Variants in VPS13B observed in about 807,000 individuals in gnomAD.
VPS13B encodes intermembrane lipid transfer protein VPS13B.
VPS13B carries 285 observed loss-of-function variants against 426.4 expected under a neutral mutation model. The ratio of observed to expected loss-of-function variants is 0.67; its 90% CI spans 0.61 to 0.74. The LOEUF (loss-of-function observed/expected upper bound fraction) is 0.74. Among genes scored for constraint, VPS13B ranks in the 30% least tolerant of loss-of-function variants. The pLI is 0.00. For synonymous variants in VPS13B, 1,676 were observed against 1,676.4 expected, an observed-to-expected ratio of 1.00 and a Z score of 0.01; for missense variants, 4,537 against 4,782.6, an observed-to-expected ratio of 0.95 and a Z score of 1.51.
intron 2 of VPS13B, among the ~76,000 whole-genome samples, chr8:99,014,167 G>C (rs1473058088): frequency 1.5e-5 from 2 of 134,840 alleles, no homozygotes; most frequent in Admixed American, 1.7e-4. Flanking sequence ...GCCCAAGCTG[G>C]AGTGCAGCTG....
intron 17 of VPS13B, among the ~76,000 whole-genome samples, chr8:99,225,999 C>G (rs1233491209): frequency 6.6e-6 from 1 of 152,074 alleles, no homozygotes; most frequent in Non-Finnish European, 1.5e-5. Context: ...GGCTGGAGTG[C>G]AGTGGTGCGA....
chr8:99,875,557 C>T lies in VPS13B; in HGVS notation c.11885C>T (p.Pro3962Leu), dbSNP rs531619892. Reference sequence around the variant, plus strand: ...CCTGTGGTGGCTGCAGAACCTCCCCCCTCCACTGTTAAAACATACCATTAC... The same window carrying T: ...CCTGTGGTGGCTGCAGAACCTCCCCTCTCCACTGTTAAAACATACCATTAC... Reference protein sequence around the residue: ...PCPVVAAEPPPSTVKTYHYLV... With the variant: ...PCPVVAAEPPLSTVKTYHYLV... The change falls in exon 62 of 62, where the codon CCC becomes CTC. Residue 3962 changes from proline (P) to leucine (L), a missense_variant. Pro to Leu is a moderately conservative substitution (Grantham distance 98). Transcript: ENST00000357162. 6 of 1,614,186 alleles carry T rather than the reference C, an allele frequency of 3.7e-6. No homozygotes were observed. In the East Asian group the frequency reaches 6.7e-5, roughly 18 times the overall value.
chr8:99,494,110 T>C (rs1206095475), intron 25 of VPS13B, among the ~76,000 whole-genome samples: 1 of 152,158 alleles, frequency 6.6e-6, no homozygotes, highest in Non-Finnish European at 1.5e-5. Context: ...GATTTTATAT[T>C]ACTATAAGTT....
intron 17 of VPS13B, among the ~76,000 whole-genome samples, chr8:99,205,460 A>G (rs964576760): frequency 2.0e-5 from 3 of 152,160 alleles, no homozygotes; most frequent in African/African-American, 7.2e-5. Flanking sequence ...CTTTGTAACA[A>G]ACCTGCATGT....
intron 31 of VPS13B, 135 bp downstream of exon 31, chr8:99,556,788 A>G (rs1478660479): frequency 4.1e-6 from 4 of 970,470 alleles, no homozygotes; most frequent in Admixed American, 2.0e-5. Context: ...AGCATAAAAA[A>G]TATTTTGTAA....
chr8:99,541,613 A>G (rs1259722593), intron 30 of VPS13B, among the ~76,000 whole-genome samples: 1 of 152,118 alleles, frequency 6.6e-6, no homozygotes, highest in Non-Finnish European at 1.5e-5. Flanking sequence ...TATTATTCCC[A>G]TATTTGTATA....
chr8:99,051,154 A>C (rs924372207), intron 3 of VPS13B, among the ~76,000 whole-genome samples: 3 of 152,084 alleles, frequency 2.0e-5, no homozygotes, highest in Non-Finnish European at 4.4e-5. Context: ...TAGGGTTTTT[A>C]TGGTTTTAGG....
Position 99,661,397 on chromosome 8 carries a change from T to C in VPS13B, c.5952T>C (p.Val1984=), listed in dbSNP as rs1830218500. Residue 1984 remains valine, a synonymous_variant, in exon 35 of 62, where the codon GTT becomes GTC. Transcript: ENST00000357162. ...CTGAAGCCCTTGATTATTGCACTGT[T>C]TGGCTACAGACAGTGCCTGGAGAAA... ...TLPEALDYCT[V]WLQTVPGEID... 6.2e-7 allele frequency: 1 copy of C among 1,613,672 alleles called. No homozygotes were observed. Among genetic ancestry groups the C allele is most frequent in the Non-Finnish European group, 8.5e-7 (1 of 1,179,816 alleles).
chr8:99,050,321 G>A (rs1843466391), intron 3 of VPS13B, among the ~76,000 whole-genome samples: 5 of 152,080 alleles, frequency 3.3e-5, no homozygotes, highest in Admixed American at 3.3e-4. Flanking sequence ...TGCTGAGAAT[G>A]ATGGTTTCCA....
At chr8:99,682,556 C>A (rs947673862) in intron 35 of VPS13B, among the ~76,000 whole-genome samples, 6 of 152,126 alleles carry the variant, frequency 3.9e-5, no homozygotes, top group African/African-American at 1.4e-4. Flanking sequence ...TGAAGACCAA[C>A]TTATAAATTT....
intron 34 of VPS13B, among the ~76,000 whole-genome samples, chr8:99,655,167 A>G (rs1482996629): frequency 6.6e-6 from 1 of 152,226 alleles, no homozygotes; most frequent in African/African-American, 2.4e-5. Context: ...AATGGAAAGC[A>G]GTCTATTTTG....
At chr8:99,127,118 A>G (rs1265203151) in intron 8 of VPS13B, among the ~76,000 whole-genome samples, 1 of 151,762 alleles carries the variant, frequency 6.6e-6, no homozygotes, top group Non-Finnish European at 1.5e-5. Context: ...AAAAAAAAAG[A>G]AAGAAAAGAA....
intron 16 of VPS13B, among the ~76,000 whole-genome samples, chr8:99,186,726 A>G (rs1444338509): frequency 2.0e-5 from 3 of 152,164 alleles, no homozygotes; most frequent in African/African-American, 7.2e-5. Flanking sequence ...AACCACAAAG[A>G]CATATCCTGT....
chr8:99,744,433 C>G (rs1809955016), intron 39 of VPS13B, among the ~76,000 whole-genome samples: 1 of 152,114 alleles, frequency 6.6e-6, no homozygotes, highest in Non-Finnish European at 1.5e-5. Flanking sequence ...GGATCTAGAA[C>G]TAGAAATACC....
Position 99,874,239 on chromosome 8 carries a change from A to G in VPS13B, c.11746-1179A>G, listed in dbSNP as rs555651054. ...GAGGAGCAATTAAAACTTTTTGTGT[A>G]TTCAAAGCTTTCCAGCTGAATTCTG... On this transcript the variant is annotated intron_variant, in intron 61 of 61. Transcript: ENST00000357162. Among the ~76,000 whole-genome samples, 13 of 152,258 alleles carry G rather than the reference A, an allele frequency of 8.5e-5. No homozygotes were observed. The East Asian group carries it at 2.5e-3, about 29-fold the overall frequency.
At chr8:99,042,036 A>T (rs1223915663) in intron 3 of VPS13B, among the ~76,000 whole-genome samples, 1 of 151,892 alleles carries the variant, frequency 6.6e-6, no homozygotes, top group Admixed American at 6.6e-5. Flanking sequence ...GAAAAGTGGG[A>T]GGCTGAGGCA....
chr8:99,625,362 C>G (rs1828566137), intron 33 of VPS13B, among the ~76,000 whole-genome samples: 1 of 152,140 alleles, frequency 6.6e-6, no homozygotes, highest in African/African-American at 2.4e-5. Flanking sequence ...TAACCTCAAA[C>G]TCTTCACTTT....
chr8:99,788,837 T>TG (rs752101358), intron 43 of VPS13B, among the ~76,000 whole-genome samples: 3 of 152,170 alleles, frequency 2.0e-5, no homozygotes, highest in Non-Finnish European at 4.4e-5. Context: ...TGCCAACACT[T>TG]GCTTTAAGAC....
intron 5 of VPS13B, among the ~76,000 whole-genome samples, chr8:99,106,620 C>G (rs1299802328): frequency 2.6e-5 from 4 of 152,090 alleles, no homozygotes; most frequent in African/African-American, 9.7e-5. Context: ...TTCCCCAAAG[C>G]AACCACTTTA....
Sources: gnomAD v4.1 joint callset for allele counts (sites outside exome capture counted in the v4.1 genomes callset) on GRCh38, gnomAD v4.1.1 for gene constraint, MANE v1.5 for transcripts, NCBI Gene and HGNC (gene_info 2026-07-23, HGNC 2026-07-21) for gene names.